UXS1: variants seen among roughly 807,000 people sequenced by gnomAD.
The protein encoded by UXS1 is UDP-glucuronate decarboxylase 1, also known as UDP-glucuronic acid decarboxylase 1.
Under a neutral mutation model 62.6 loss-of-function variants are expected in UXS1, and 33 were observed. The observed-to-expected ratio is 0.53, with a 90% CI of 0.40 to 0.70. UXS1 has a LOEUF of 0.70. Among genes scored for constraint, UXS1 ranks in the 30% least tolerant of loss-of-function variants. The pLI is 0.00. For synonymous variants in UXS1, 213 were observed against 206.8 expected (o/e 1.03, Z -0.26); for missense variants, 434 against 556.3 (o/e 0.78, Z 2.21).
At chr2:106,130,643 C>A (rs553472166) in intron 6 of UXS1, among the ~76,000 whole-genome samples, 1 of 152,174 alleles carries the variant, frequency 6.6e-6, no homozygotes, top group Non-Finnish European at 1.5e-5. Flanking sequence ...CCCCTCTGCC[C>A]GGGCCTTCCG....
chr2:106,170,304 C>T lies in UXS1; in HGVS notation c.95-4221G>A, dbSNP rs574533433. ...CTGATTCTCCAGAAAGCACCTTCAA[C>T]CTTCCCTCCTGCTCCAGGAGACACT... is the stretch of plus-strand genomic sequence containing the variant. On this transcript the variant is annotated intron_variant, in intron 1 of 14. Coordinates refer to ENST00000283148, the MANE Select transcript of UXS1 (RefSeq NM_001253875.2). 2.6e-5 allele frequency among the ~76,000 whole-genome samples: 4 copies of T among 152,324 alleles called. No individual in the cohort carries two copies. The East Asian group carries it at 7.7e-4, about 29-fold the overall frequency.
At chr2:106,160,906 C>T (rs1307357030) in intron 4 of UXS1, among the ~76,000 whole-genome samples, 1 of 152,234 alleles carries the variant, frequency 6.6e-6, no homozygotes, top group Non-Finnish European at 1.5e-5. Flanking sequence ...TATGTATACG[C>T]TCAAGTAATT....
At chr2:106,096,853 A>C in intron 13 of UXS1, 32 bp from the exon 14 acceptor site, 1 of 1,549,530 alleles carries the variant, frequency 6.5e-7, no homozygotes, top group Admixed American at 1.9e-5. Flanking sequence ...AAGGTAGGAG[A>C]GAATCACAAA....
At chr2:106,171,030 C>T (rs887156496) in intron 1 of UXS1, among the ~76,000 whole-genome samples, 1 of 152,058 alleles carries the variant, frequency 6.6e-6, no homozygotes, top group Non-Finnish European at 1.5e-5. Context: ...TGACAAAGGG[C>T]TTATAACTGA....
At chr2:106,152,844 G>C (rs1473622559) in intron 5 of UXS1, among the ~76,000 whole-genome samples, 2 of 149,658 alleles carry the variant, frequency 1.3e-5, no homozygotes, top group African/African-American at 2.5e-5. Context: ...TTGCTTAGAA[G>C]GGAGAAGTTC....
intron 13 of UXS1, chr2:106,097,027 A>G (rs1022779920): frequency 8.8e-6 from 6 of 683,940 alleles, no homozygotes; most frequent in Non-Finnish European, 1.6e-5. Flanking sequence ...GCTGTGGCCA[A>G]GCTGACTGTG....
At chr2:106,144,625 A>G (rs1681407130) in intron 6 of UXS1, among the ~76,000 whole-genome samples, 2 of 152,262 alleles carry the variant, frequency 1.3e-5, no homozygotes, top group Admixed American at 6.5e-5. Context: ...AAAGAAATGT[A>G]CATTGAACCA....
chr2:106,163,702 T>C lies in UXS1; in HGVS notation c.195A>G (p.Glu65=). 1 of 1,462,430 alleles carries C rather than the reference T, an allele frequency of 6.8e-7. No individual in the cohort carries two copies. Among genetic ancestry groups the C allele is most frequent in the Non-Finnish European group, 9.1e-7 (1 of 1,103,598 alleles). The allele number at this position is 1,462,430 out of a possible 1,614,324, so 90.6% of individuals were successfully genotyped here. Residue 65 remains glutamate (E), a synonymous_variant, in exon 4 of 15, where the codon GAA becomes GAG. Transcript: ENST00000283148. The part of the protein sequence containing the change: ...KIESKIEEMV[E]PLREKIRDLE... ...AATCTCTGATTTTCTCTCTTAGTGG[T>C]TCAACCATCTAGAACAATAATAACA...
intron 10 of UXS1, among the ~76,000 whole-genome samples, chr2:106,108,712 A>C (rs1294020099): frequency 6.6e-6 from 1 of 152,162 alleles, no homozygotes; most frequent in Non-Finnish European, 1.5e-5. Context: ...TCAAGGAGTA[A>C]CCAACAGGGG....
intron 1 of UXS1, among the ~76,000 whole-genome samples, chr2:106,193,202 G>A (rs770990207): frequency 7.9e-5 from 12 of 152,008 alleles, no homozygotes; most frequent in Non-Finnish European, 1.6e-4. Context: ...ACTCACCTCT[G>A]GAATCAGATC....
intron 11 of UXS1, 129 bp from the exon 12 acceptor site, chr2:106,101,247 G>C (rs903439937): frequency 1.5e-5 from 13 of 888,856 alleles, no homozygotes; most frequent in Non-Finnish European, 1.9e-5. Flanking sequence ...ATGGAAAATT[G>C]AATGTCGAAA....
At chr2:106,177,863 T>C (rs1159661650) in intron 1 of UXS1, among the ~76,000 whole-genome samples, 1 of 152,226 alleles carries the variant, frequency 6.6e-6, no homozygotes, top group African/African-American at 2.4e-5. Context: ...CTCTGGGGTG[T>C]GGTCTGGCCA....
intron 4 of UXS1, among the ~76,000 whole-genome samples, chr2:106,161,080 G>A (rs989927017): frequency 6.6e-6 from 1 of 152,172 alleles, no homozygotes; most frequent in African/African-American, 2.4e-5. Flanking sequence ...GACTGATAGA[G>A]TGCAGTGACC....
chr2:106,158,197 GT>G, intron 4 of UXS1, 79 bp from the exon 5 acceptor site: 1 of 1,292,990 alleles, frequency 7.7e-7, no homozygotes, highest in Non-Finnish European at 1.1e-6. Flanking sequence ...ATCAAAGCAT[GT>G]GCCAGGTTTT....
intron 1 of UXS1, among the ~76,000 whole-genome samples, chr2:106,193,117 A>G (rs1300940462): frequency 2.0e-5 from 3 of 152,158 alleles, no homozygotes; most frequent in South Asian, 2.1e-4. Flanking sequence ...GCTGGGCTGT[A>G]GCACACAGGC....
intron 5 of UXS1, 29 bp downstream of exon 5, chr2:106,158,029 A>G (rs756242305): frequency 6.6e-7 from 1 of 1,524,012 alleles, no homozygotes; most frequent in South Asian, 1.2e-5. Flanking sequence ...TCTTAATATT[A>G]CAAATACTAT....
At chr2:106,140,404 T>C (rs980802870) in intron 6 of UXS1, among the ~76,000 whole-genome samples, 1 of 152,252 alleles carries the variant, frequency 6.6e-6, no homozygotes, top group African/African-American at 2.4e-5. Context: ...GAAAAAAATT[T>C]CTAAATGATA....
chr2:106,165,419 A>G (rs982500263), intron 2 of UXS1, among the ~76,000 whole-genome samples: 1 of 152,216 alleles, frequency 6.6e-6, no homozygotes, highest in African/African-American at 2.4e-5. Flanking sequence ...TTCTCACAAC[A>G]TAACCAAGTG....
intron 1 of UXS1, among the ~76,000 whole-genome samples, chr2:106,191,909 A>G (rs1259271386): frequency 1.3e-5 from 2 of 152,142 alleles, no homozygotes; most frequent in African/African-American, 2.4e-5. Context: ...CTTCATTTCC[A>G]ATTCATGCCC....
Sources: gnomAD v4.1 joint callset for allele counts (sites outside exome capture counted in the v4.1 genomes callset) on GRCh38, gnomAD v4.1.1 for gene constraint, MANE v1.5 for transcripts, NCBI Gene and HGNC (gene_info 2026-07-23, HGNC 2026-07-21) for gene names.